Variants in KLRD1 observed in about 807,000 individuals in gnomAD.
The protein encoded by KLRD1 is killer cell lectin like receptor D1.
A neutral mutation model predicts 22.6 loss-of-function variants in KLRD1; 21 were observed. That is an observed-to-expected ratio of 0.93 (90% CI 0.66 to 1.34). The LOEUF (loss-of-function observed/expected upper bound fraction) is 1.34. Ranked by LOEUF, KLRD1 falls within the 40% of genes most tolerant of loss-of-function variation. The pLI, the probability that KLRD1 is intolerant of heterozygous loss-of-function variation, is 0.00. For synonymous variants in KLRD1, 59 were observed against 71.1 expected (o/e 0.83, Z 0.85); for missense variants, 183 against 208.6 (o/e 0.88, Z 0.76).
chr12:10,321,914 T>C lies in KLRD1; in HGVS notation c.*7121T>C, dbSNP rs548622317. 2 of 152,344 alleles carry C rather than the reference T, an allele frequency of 1.3e-5. No individual in the cohort carries two copies. Among genetic ancestry groups the C allele is most frequent in the African/African-American group, 4.8e-5 (2 of 41,576 alleles). 9.4% of individuals were successfully genotyped at this position (152,344 alleles called of 1,614,324 possible). A position where few individuals can be genotyped will look rare whatever the true frequency, so the allele number is the denominator to read the frequency against. ...AGCTAGAACCACCTAGCACAGTTGC[T>C]CTTGATTTCTGACCTCAGAAACTGT... On this transcript the variant is annotated 3_prime_UTR_variant, in exon 6 of 6. Coordinates refer to ENST00000336164, the MANE Select transcript of KLRD1 (RefSeq NM_002262.5).
chr12:10,295,062 G>A (rs74060322), intron 1 of KLRD1, among the ~76,000 whole-genome samples: 3 of 152,158 alleles, frequency 2.0e-5, no homozygotes, highest in Non-Finnish European at 4.4e-5. Context: ...TTACAAGAGT[G>A]CTGCCTCTCA....
intron 3 of KLRD1, among the ~76,000 whole-genome samples, chr12:10,311,037 T>C (rs922951969): frequency 3.9e-5 from 6 of 152,354 alleles, no homozygotes; most frequent in African/African-American, 1.4e-4. Flanking sequence ...ACTCAGAAAG[T>C]ATGCTAAAAT....
intron 1 of KLRD1, among the ~76,000 whole-genome samples, chr12:10,250,815 G>A (rs10845090): frequency 0.75 from 114,370 of 151,992 alleles, 43,582 homozygotes; most frequent in East Asian, 1. Flanking sequence ...AATGGATAGC[G>A]TATTAAGGTA....
chr12:10,241,492 T>C (rs1037553096), intron 1 of KLRD1, among the ~76,000 whole-genome samples: 1 of 152,200 alleles, frequency 6.6e-6, no homozygotes, highest in African/African-American at 2.4e-5. Context: ...CTTTACGTAA[T>C]CTTTCTTGGT....
rs1258532668 is a variant in KLRD1, at chr12:10,314,749, T to A, written c.496T>A (p.Cys166Ser). Reference protein sequence around the residue: ...NPNGNALDESCEDKNRYICKQ... With the variant: ...NPNGNALDESSEDKNRYICKQ... ...AAATGGAAATGCTTTAGATGAATCCTGTGAAGATAAAAATCGTTATATCTG... is the reference window on the plus strand; with the variant it reads ...AAATGGAAATGCTTTAGATGAATCCAGTGAAGATAAAAATCGTTATATCTG... Residue 166 changes from cysteine to serine, a missense_variant, in exon 6 of 6, where the codon TGT becomes AGT. Cys to Ser is a moderately radical substitution (Grantham distance 112, BLOSUM62 -1). Coordinates refer to ENST00000336164, the MANE Select transcript of KLRD1 (RefSeq NM_002262.5). 6.2e-7 allele frequency: 1 copy of A among 1,605,164 alleles called. No individual in the cohort carries two copies. Among genetic ancestry groups the A allele is most frequent in the Non-Finnish European group, 8.5e-7 (1 of 1,176,224 alleles).
chr12:10,283,276 T>A (rs1320940904), intron 1 of KLRD1, among the ~76,000 whole-genome samples: 1 of 152,018 alleles, frequency 6.6e-6, no homozygotes, highest in Admixed American at 6.5e-5. Context: ...TCAAACAACA[T>A]AGCATGAGGG....
intron 1 of KLRD1, among the ~76,000 whole-genome samples, chr12:10,274,773 A>G (rs966914668): frequency 2.0e-5 from 3 of 152,168 alleles, no homozygotes; most frequent in Non-Finnish European, 4.4e-5. Flanking sequence ...AAATTTATGT[A>G]TTTTAAAGAG....
At position 10,329,014 on chromosome 12, in the gene KLRD1, T is replaced by G. The variant is rs1280630737; in HGVS notation, c.*14221T>G. The G allele has an allele frequency of 6.6e-6, 1 of 152,082 alleles. No homozygotes were observed. Among genetic ancestry groups the G allele is most frequent in the Non-Finnish European group, 1.5e-5 (1 of 68,014 alleles). The allele number at this position is 152,082 out of a possible 1,614,324, so 9.4% of individuals were successfully genotyped here. A position where few individuals can be genotyped will look rare whatever the true frequency, so the allele number is the denominator to read the frequency against. ...CATGATTCAATTATCTCCCACTGGG[T>G]CCCTCCACCAACATGGGGGAATTAT... is the stretch of plus-strand genomic sequence containing the variant. On this transcript the variant is annotated 3_prime_UTR_variant, in exon 6 of 6. Coordinates refer to ENST00000336164, the MANE Select transcript of KLRD1 (RefSeq NM_002262.5).
In KLRD1 at chr12:10,307,944, A is replaced by T. The variant is rs2302489; in HGVS notation, c.-134A>T. 472,461 of 780,232 alleles carry T rather than the reference A, an allele frequency of 0.61. 145,760 individuals are homozygous for T. Among genetic ancestry groups the T allele is most frequent in the Middle Eastern group, 0.66 (2,824 of 4,254 alleles). The allele number at this position is 780,232 out of a possible 1,614,324, so 48.3% of individuals were successfully genotyped here. A position where few individuals can be genotyped will look rare whatever the true frequency, so the allele number is the denominator to read the frequency against. The stretch of plus-strand genomic sequence containing the variant: ...TTAAATACACAATTTTTCATTCTCT[A>T]TTTTTGCTAAATTTCTTCATACTCA... On this transcript the variant is annotated 5_prime_UTR_variant, in exon 1 of 6. Coordinates refer to ENST00000336164, the MANE Select transcript of KLRD1 (RefSeq NM_002262.5).
At chr12:10,305,530 C>A (rs1235261536), upstream of KLRD1, among the ~76,000 whole-genome samples, 1 of 152,152 alleles carries the variant, frequency 6.6e-6, no homozygotes, top group Non-Finnish European at 1.5e-5. Context: ...TTGAGTAATT[C>A]TGGGAACTGG....
At position 10,324,126 on chromosome 12, in the gene KLRD1, T is replaced by C. The variant is rs1950337235; in HGVS notation, c.*9333T>C. 1 of 152,280 alleles carries C rather than the reference T, an allele frequency of 6.6e-6. No individual in the cohort carries two copies. The highest frequency in any genetic ancestry group is 2.1e-4 in the South Asian group (1 of 4,830). 9.4% of individuals were successfully genotyped at this position (152,280 alleles called of 1,614,324 possible). On this transcript the variant is annotated 3_prime_UTR_variant, in exon 6 of 6. Transcript: ENST00000336164. ...CTCCACCTGCCTTGACCTCCCAAAGTGCTGGAATTACAGGCGTGAGCCACC... is the reference window on the plus strand; with the variant it reads ...CTCCACCTGCCTTGACCTCCCAAAGCGCTGGAATTACAGGCGTGAGCCACC...
intron 1 of KLRD1, among the ~76,000 whole-genome samples, chr12:10,273,463 T>C (rs11053726): frequency 0.076 from 11,555 of 152,320 alleles, 587 homozygotes; most frequent in Non-Finnish European, 0.12. Context: ...CTGTTTCTGA[T>C]GAGCATAATT....
chr12:10,271,819 C>T (rs74062160), intron 1 of KLRD1, among the ~76,000 whole-genome samples: 2,394 of 149,740 alleles, frequency 0.016, 53 homozygotes, highest in African/African-American at 0.057. Flanking sequence ...AAAATTGGCT[C>T]CATTTTTTTT....
rs186752911 is a variant in KLRD1, at chr12:10,294,443, G to A, written c.-100-13535G>A. ...AGAAGGAGTCTCACTCTATAGCCCA[G>A]TCTGGAGTGCAATGGCATGATCTCG... On this transcript the variant is annotated intron_variant, in intron 1 of 5. Transcript: ENST00000544747. Among the ~76,000 whole-genome samples the A allele has an allele frequency of 1.5e-4, 23 of 152,242 alleles. No homozygotes were observed. In the East Asian group the frequency reaches 4.4e-3, roughly 29 times the overall value.
chr12:10,281,232 A>G (rs1474207848), intron 1 of KLRD1, among the ~76,000 whole-genome samples: 1 of 152,208 alleles, frequency 6.6e-6, no homozygotes, highest in African/African-American at 2.4e-5. Context: ...ACCACAAGTG[A>G]GGGAACGCTG....
intron 1 of KLRD1, among the ~76,000 whole-genome samples, chr12:10,256,093 A>G (rs949556243): frequency 6.6e-6 from 1 of 151,898 alleles, no homozygotes; most frequent in Non-Finnish European, 1.5e-5. Flanking sequence ...TCTTTTATAT[A>G]TATACATTTA....
At position 10,323,099 on chromosome 12, in the gene KLRD1, C is replaced by T. The variant is rs1381881671; in HGVS notation, c.*8306C>T. The T allele has an allele frequency of 6.6e-6, 1 of 152,198 alleles. No individual in the cohort carries two copies. The highest frequency in any genetic ancestry group is 1.5e-5 in the Non-Finnish European group (1 of 68,040). 9.4% of individuals were successfully genotyped at this position (152,198 alleles called of 1,614,324 possible). On this transcript the variant is annotated 3_prime_UTR_variant, in exon 6 of 6. Transcript: ENST00000336164. ...ACATTTGAGTCATTTCCACTTTTCACTATTATGAGTAAAATTGCTATAAAC... is the reference window on the plus strand; with the variant it reads ...ACATTTGAGTCATTTCCACTTTTCATTATTATGAGTAAAATTGCTATAAAC...
chr12:10,293,157 C>CATATTAGCAATAAGGCTGATAT, intron 1 of KLRD1, among the ~76,000 whole-genome samples: 12,886 of 32,456 alleles, frequency 0.4, 5,033 homozygotes, highest in East Asian at 0.58. Context: ...AAACTTTCTC[C>CATATTAGCAATAAGGCTGATAT]ATATATATAT....
intron 3 of KLRD1, 131 bp downstream of exon 3, chr12:10,309,819 C>A: frequency 1.5e-6 from 1 of 657,596 alleles, no homozygotes; most frequent in South Asian, 1.9e-5. Context: ...GTAGGATAGT[C>A]TCATTTTACA....
Sources: allele counts gnomAD v4.1 joint callset (sites outside exome capture counted in the v4.1 genomes callset), GRCh38; gene constraint gnomAD v4.1.1; transcripts MANE v1.5; gene names NCBI Gene and HGNC (gene_info 2026-07-23, HGNC 2026-07-21).